PUDP: variants seen among roughly 807,000 people sequenced by gnomAD.
PUDP encodes pseudouridine 5'-phosphatase.
Under a neutral mutation model 9.4 loss-of-function variants are expected in PUDP, and 8 were observed. That is an observed-to-expected ratio of 0.85 (90% CI 0.50 to 1.53). The LOEUF (loss-of-function observed/expected upper bound fraction) is 1.53. Ranked by LOEUF, PUDP falls within the 40% of genes most tolerant of loss-of-function variation. PUDP has a pLI of 0.00. For missense variants in PUDP, 188 were observed against 189.7 expected, an observed-to-expected ratio of 0.99 and a Z score of 0.05; for synonymous variants, 99 against 80.7, an observed-to-expected ratio of 1.23 and a Z score of -1.22.
intron 3 of PUDP, among the ~76,000 whole-genome samples, chrX:6,860,475 G>GTT (rs1292414516): frequency 2.1e-5 from 2 of 97,221 alleles, no homozygotes; most frequent in Non-Finnish European, 2.1e-5. Flanking sequence ...TTTGTTTTTT[G>GTT]TTTTTTGTTT....
At chrX:6,877,323 T>C (rs865888269) in intron 3 of PUDP, among the ~76,000 whole-genome samples, 5 of 111,141 alleles carry the variant, frequency 4.5e-5, no homozygotes, top group Admixed American at 1.9e-4. Flanking sequence ...ACACTATCAA[T>C]TATTCATCCT....
intron 3 of PUDP, among the ~76,000 whole-genome samples, chrX:6,832,006 A>G (rs1190810917): frequency 1.8e-5 from 2 of 111,991 alleles, no homozygotes; most frequent in African/African-American, 6.5e-5. Context: ...TAAACAGACA[A>G]AGACTCTCAA....
At chrX:7,123,980 C>A (rs753199950) in intron 1 of PUDP, among the ~76,000 whole-genome samples, 1 of 112,076 alleles carries the variant, frequency 8.9e-6, no homozygotes, top group Admixed American at 9.5e-5. Flanking sequence ...TGACAATGGA[C>A]AGAACAACTA....
chrX:6,999,040 G>A (rs1275543351), intron 1 of PUDP, among the ~76,000 whole-genome samples: 1 of 111,501 alleles, frequency 9.0e-6, no homozygotes, highest in Non-Finnish European at 1.9e-5. Context: ...ATATAGCTGG[G>A]TGACTTTTCT....
At chrX:6,953,857 CTTGAA>C (rs1389916027) in intron 3 of PUDP, among the ~76,000 whole-genome samples, 1 of 111,665 alleles carries the variant, frequency 9.0e-6, no homozygotes, top group Non-Finnish European at 1.9e-5. Context: ...CAGATCTCAT[CTTGAA>C]TTGTAGTTCC....
intron 3 of PUDP, among the ~76,000 whole-genome samples, chrX:6,764,557 T>C (rs1925262006): frequency 1.8e-5 from 2 of 112,138 alleles, no homozygotes; most frequent in Non-Finnish European, 3.8e-5. Flanking sequence ...TTTTGATATG[T>C]ATGGCTTGCA....
intron 3 of PUDP, among the ~76,000 whole-genome samples, chrX:6,767,664 GA>G (rs1925301706): frequency 8.9e-6 from 1 of 111,958 alleles, no homozygotes; most frequent in Admixed American, 9.5e-5. Context: ...ACTCAGTGAA[GA>G]AAGATTCAAA....
intron 3 of PUDP, among the ~76,000 whole-genome samples, chrX:6,859,885 T>C (rs1255115038): frequency 1.8e-5 from 2 of 112,114 alleles, no homozygotes; most frequent in African/African-American, 6.5e-5. Flanking sequence ...CTGACATGAA[T>C]GATAACTCTG....
rs769436968 is a variant in PUDP at position 6,852,952 on chromosome X, G to A, written c.*247+124181C>T. On this transcript the variant is annotated intron_variant and NMD_transcript_variant, in intron 3 of 3. Coordinates refer to the PUDP transcript ENST00000655425. The stretch of plus-strand genomic sequence containing the variant: ...TACCACTTTTACAGTTGAATGCAAC[G>A]GCTTTTATAGGAAACTGATGAGGGC... Among the ~76,000 whole-genome samples the A allele has an allele frequency of 7.5e-4, 84 of 111,467 alleles. 1 individual carries two copies. The highest frequency in any genetic ancestry group is 2.7e-3 in the Admixed American group (28 of 10,496).
chrX:7,026,580 C>A (rs143832995), intron 1 of PUDP, among the ~76,000 whole-genome samples: 80 of 111,652 alleles, frequency 7.2e-4, no homozygotes, highest in Non-Finnish European at 1.2e-3. Context: ...GGCCCCCATG[C>A]GGTTGGTCTC....
intron 3 of PUDP, among the ~76,000 whole-genome samples, chrX:6,779,806 T>C (rs182153229): frequency 1.5e-3 from 169 of 111,053 alleles, no homozygotes; most frequent in African/African-American, 4.9e-3. Flanking sequence ...GGCATGCATA[T>C]AGTCCCAGCT....
chrX:6,967,355 T>C (rs1928802465), intron 3 of PUDP, among the ~76,000 whole-genome samples: 1 of 111,603 alleles, frequency 9.0e-6, no homozygotes, highest in African/African-American at 3.3e-5. Flanking sequence ...AGAACTCTGC[T>C]TCTTCTTTCT....
chrX:7,054,788 C>T (rs180886721), intron 3 of PUDP, among the ~76,000 whole-genome samples: 36 of 111,915 alleles, frequency 3.2e-4, no homozygotes, highest in African/African-American at 1.1e-3. Flanking sequence ...ACTTCATGTC[C>T]GCTAACGAGA....
chrX:6,938,754 A>T (rs944142304), intron 3 of PUDP, among the ~76,000 whole-genome samples: 1 of 106,890 alleles, frequency 9.4e-6, no homozygotes, highest in Non-Finnish European at 1.9e-5. Flanking sequence ...ACCTGCCTAA[A>T]GCACATTTTT....
chrX:7,044,958 A>G (rs763386893), downstream of PUDP, among the ~76,000 whole-genome samples: 82 of 112,265 alleles, frequency 7.3e-4, 1 homozygote, highest in South Asian at 1.9e-3. Context: ...GAGTAGTGGT[A>G]AAGGAATGGT....
rs575898151 is a variant in PUDP, at chrX:7,016,525, G to A, written c.205-38182C>T. 1.5e-3 allele frequency among the ~76,000 whole-genome samples: 171 copies of A among 110,886 alleles called. 1 individual carries two copies. Among genetic ancestry groups the A allele is most frequent in the African/African-American group, 5.3e-3 (162 of 30,374 alleles). On this transcript the variant is annotated intron_variant and NMD_transcript_variant, in intron 1 of 3. Coordinates refer to the PUDP transcript ENST00000655425. ...CCACCCCACCCATTTCAATAATGGG[G>A]TACACATTTATCATATGCCAATCTG... is the stretch of plus-strand genomic sequence containing the variant.
intron 3 of PUDP, among the ~76,000 whole-genome samples, chrX:6,894,569 G>A (rs762816461): frequency 8.9e-6 from 1 of 112,241 alleles, no homozygotes; most frequent in Non-Finnish European, 1.9e-5. Context: ...TGTATCACAA[G>A]TCTGACATCA....
chrX:6,998,770 C>T (rs1929284332), intron 1 of PUDP, among the ~76,000 whole-genome samples: 1 of 111,956 alleles, frequency 8.9e-6, no homozygotes, highest in Non-Finnish European at 1.9e-5. Flanking sequence ...TGAATTTATT[C>T]AGTGTGAGTG....
intron 3 of PUDP, among the ~76,000 whole-genome samples, chrX:6,732,061 A>G (rs1924815921): frequency 2.7e-5 from 3 of 111,930 alleles, no homozygotes; most frequent in African/African-American, 9.7e-5. Flanking sequence ...CAGGATGGGA[A>G]TAGTTTGATC....
Sources: gnomAD v4.1 joint callset for allele counts (sites outside exome capture counted in the v4.1 genomes callset) on GRCh38, gnomAD v4.1.1 for gene constraint, MANE v1.5 for transcripts, NCBI Gene and HGNC (gene_info 2026-07-23, HGNC 2026-07-21) for gene names.